VAC14: variants seen among roughly 807,000 people sequenced by gnomAD.
The protein encoded by VAC14 is protein VAC14 homolog.
VAC14 carries 47 observed loss-of-function variants against 85.3 expected under a neutral mutation model. The ratio of observed to expected loss-of-function variants is 0.55; its 90% confidence interval spans 0.44 to 0.70. The LOEUF (loss-of-function observed/expected upper bound fraction) is 0.70, where lower values mean the gene tolerates loss of function less well. VAC14 is among the 30% of genes least tolerant of loss of function. The pLI, the probability that VAC14 is intolerant of heterozygous loss-of-function variation, is 0.00. For missense variants in VAC14, 861 were observed against 1,004.3 expected (o/e 0.86, Z 1.93); for synonymous variants, 447 against 430.5 (o/e 1.04, Z -0.47).
Position 70,687,812 on chromosome 16 carries a change from G to A in VAC14, c.*116C>T, listed in dbSNP as rs146478318. On this transcript the variant is annotated 3_prime_UTR_variant, in exon 19 of 19. Transcript: ENST00000261776. ...AGCCTCCGGCCCCAACACTGCCCTG[G>A]GTTGGCAGGCCCAGCCCTGGTCCTG... is the stretch of plus-strand genomic sequence containing the variant. 2.9e-5 allele frequency: 34 copies of A among 1,177,828 alleles called. No homozygotes were observed. The highest frequency in any genetic ancestry group is 4.0e-5 in the Admixed American group (1 of 25,218). The allele number at this position is 1,177,828 out of a possible 1,614,324, so 73.0% of individuals were successfully genotyped here.
intron 14 of VAC14, among the ~76,000 whole-genome samples, chr16:70,703,204 G>T (rs2053861974): frequency 6.6e-6 from 1 of 152,262 alleles, no homozygotes; most frequent in Admixed American, 6.5e-5. Context: ...CAAGCGCAGT[G>T]TCAACAGTGG....
intron 12 of VAC14, among the ~76,000 whole-genome samples, chr16:70,760,489 C>G (rs757975777): frequency 6.6e-6 from 1 of 152,104 alleles, no homozygotes; most frequent in Non-Finnish European, 1.5e-5. Flanking sequence ...TGATGAAGGT[C>G]CCCAAATCCC....
chr16:70,800,416 T>G (rs536313063), intron 1 of VAC14, among the ~76,000 whole-genome samples: 5 of 152,338 alleles, frequency 3.3e-5, no homozygotes, highest in African/African-American at 1.2e-4. Context: ...CTGGTCAGCA[T>G]CACCTGCAAA....
At chr16:70,781,051 G>A (rs776920350) in intron 8 of VAC14, 112 bp from the exon 9 acceptor site, 33 of 1,453,298 alleles carry the variant, frequency 2.3e-5, no homozygotes, top group Non-Finnish European at 2.7e-5. Flanking sequence ...GAGGGGTTTC[G>A]GTCATGGGGG....
intron 10 of VAC14, among the ~76,000 whole-genome samples, chr16:70,765,616 A>G (rs1405391915): frequency 6.6e-6 from 1 of 152,094 alleles, no homozygotes; most frequent in Non-Finnish European, 1.5e-5. Context: ...CGCACTTTGG[A>G]TCTGATCAGT....
chr16:70,714,802 C>A (rs1441206132), intron 14 of VAC14: 1 of 152,278 alleles, frequency 6.6e-6, no homozygotes, highest in African/African-American at 2.4e-5. Flanking sequence ...AGCCAGCTTC[C>A]TGAGCCGGCT....
chr16:70,726,992 GA>G (rs1406138058), intron 14 of VAC14, among the ~76,000 whole-genome samples: 4 of 152,212 alleles, frequency 2.6e-5, no homozygotes, highest in Non-Finnish European at 5.9e-5. Flanking sequence ...TGGGGAAGAG[GA>G]AACGCTCCCA....
chr16:70,714,740 T>A (rs2054119983), intron 14 of VAC14: 1 of 152,228 alleles, frequency 6.6e-6, no homozygotes, highest in African/African-American at 2.4e-5. Flanking sequence ...AAACTGCCTG[T>A]CCTAGCAGCA....
chr16:70,761,023 G>GTGTGTGTGTGTGTGTGTGTGTGAGAGA, intron 12 of VAC14: 1 of 250,434 alleles, frequency 4.0e-6, no homozygotes, highest in African/African-American at 6.2e-5. Flanking sequence ...GTGTGTGCAT[G>GTGTGTGTGTGTGTGTGTGTGTGAGAGA]GGGGGGCGGG....
chr16:70,798,824 TC>T (rs1360663753), intron 1 of VAC14, among the ~76,000 whole-genome samples: 1 of 152,120 alleles, frequency 6.6e-6, no homozygotes, highest in African/African-American at 2.4e-5. Flanking sequence ...CAATGTTATT[TC>T]CCCACCGAAA....
intron 13 of VAC14, among the ~76,000 whole-genome samples, chr16:70,734,943 T>C (rs1023357341): frequency 1.3e-5 from 2 of 152,228 alleles, no homozygotes; most frequent in Admixed American, 6.5e-5. Context: ...TCAGAGCCCA[T>C]GTCCTTTGCA....
intron 10 of VAC14, among the ~76,000 whole-genome samples, chr16:70,767,596 A>G (rs958166228): frequency 6.6e-6 from 1 of 152,206 alleles, no homozygotes; most frequent in Non-Finnish European, 1.5e-5. Flanking sequence ...CTCCTAAATC[A>G]AATGAGTTAG....
chr16:70,746,987 T>G (rs746627143), intron 12 of VAC14: 2 of 152,118 alleles, frequency 1.3e-5, no homozygotes, highest in Non-Finnish European at 2.9e-5. Flanking sequence ...TCCTAGGCAG[T>G]TACCAAGAGA....
At chr16:70,708,130 G>A (rs77059773) in intron 14 of VAC14, among the ~76,000 whole-genome samples, 4,951 of 152,070 alleles carry the variant, frequency 0.033, 196 homozygotes, top group African/African-American at 0.093. Flanking sequence ...TGACCACCCC[G>A]TCCCCTGTGT....
At chr16:70,795,485 G>A (rs1253544256) in intron 1 of VAC14, among the ~76,000 whole-genome samples, 1 of 133,138 alleles carries the variant, frequency 7.5e-6, no homozygotes, top group African/African-American at 2.9e-5. Flanking sequence ...GACAGAGCGA[G>A]ACTCTGTCTA....
chr16:70,758,603 G>A (rs2032060912), intron 12 of VAC14, among the ~76,000 whole-genome samples: 1 of 152,196 alleles, frequency 6.6e-6, no homozygotes, highest in Non-Finnish European at 1.5e-5. Context: ...TCACAGGTGG[G>A]GGTATGGCCA....
intron 1 of VAC14, among the ~76,000 whole-genome samples, chr16:70,788,449 C>G (rs1288435380): frequency 6.6e-6 from 1 of 152,210 alleles, no homozygotes; most frequent in Non-Finnish European, 1.5e-5. Flanking sequence ...TTGCTTTCGT[C>G]TTTATGGGAC....
At chr16:70,766,627 A>G in intron 10 of VAC14, 1 of 428,428 alleles carries the variant, frequency 2.3e-6, no homozygotes, top group South Asian at 1.7e-5. Flanking sequence ...ATCTGAGACC[A>G]TGAGGCCATG....
At chr16:70,785,619 A>G (rs2034011957) in intron 3 of VAC14, 83 bp downstream of exon 3, 1 of 1,453,108 alleles carries the variant, frequency 6.9e-7, no homozygotes, top group Admixed American at 2.4e-5. Context: ...TGCATCTGGG[A>G]AAAGGGGTCC....
Sources: gnomAD v4.1 joint callset for allele counts (sites outside exome capture counted in the v4.1 genomes callset) on GRCh38, gnomAD v4.1.1 for gene constraint, MANE v1.5 for transcripts, NCBI Gene and HGNC (gene_info 2026-07-23, HGNC 2026-07-21) for gene names.